Variants in KMT2A observed in about 807,000 individuals in gnomAD.
KMT2A encodes lysine methyltransferase 2A.
Under a neutral mutation model 345.3 loss-of-function variants are expected in KMT2A, and 16 were observed. The ratio of observed to expected loss-of-function variants is 0.05; its 90% CI spans 0.03 to 0.07. The LOEUF (loss-of-function observed/expected upper bound fraction) is 0.07. Among genes scored for constraint, KMT2A ranks in the 10% least tolerant of loss-of-function variants. The probability of loss-of-function intolerance (pLI) is 1.00; values close to 1 mark genes in which losing one functional copy is unlikely to be tolerated. For missense variants in KMT2A, 3,272 were observed against 4,841.6 expected (o/e 0.68, Z 9.62); for synonymous variants, 1,599 against 1,778.6 (o/e 0.90, Z 2.54).
rs1555039467 is a variant in KMT2A at position 118,482,062 on chromosome 11, A to C, written c.3982A>C (p.Lys1328Gln). 1.9e-6 allele frequency: 3 copies of C among 1,610,652 alleles called. No individual in the cohort carries two copies. In the South Asian group the frequency reaches 3.3e-5, roughly 18 times the overall value. The stretch of plus-strand genomic sequence containing the variant: ...TCCCAAAACCACTCCTAGTGAGCCC[A>C]AGAAAAAGCAGCCTCCACCACCAGA... ...EVPKTTPSEPKKKQPPPPESG... is the reference protein window; with the variant it reads ...EVPKTTPSEPQKKQPPPPESG... The change falls in exon 7 of 36, where the codon AAG becomes CAG. Residue 1328 changes from lysine to glutamine, a missense_variant. Physicochemically the swap from Lys to Gln is moderately conservative, Grantham distance 53. Transcript: ENST00000534358.
Position 118,510,212 on chromosome 11 carries a change from T to C in KMT2A, c.11071+94T>C. The C allele has an allele frequency of 3.1e-6, 3 of 974,330 alleles. No individual in the cohort carries two copies. Among genetic ancestry groups the C allele is most frequent in the Non-Finnish European group, 4.5e-6 (3 of 660,110 alleles). 60.4% of individuals were successfully genotyped at this position (974,330 alleles called of 1,614,324 possible). A position where few individuals can be genotyped will look rare whatever the true frequency, so the allele number is the denominator to read the frequency against. On this transcript the variant is annotated intron_variant, in intron 30 of 35. Transcript: ENST00000534358. This position sits in a 1 kb window ranked among gnomAD's most constrained non-coding sequence, Gnocchi z 4.1. ...TATTAGCACCATTTAGGTGGCTGTT[T>C]TATGCTAGATGGTAGGGGGATACCT...
chr11:118,447,012 C>T (rs1200973965), intron 1 of KMT2A, among the ~76,000 whole-genome samples: 1 of 152,280 alleles, frequency 6.6e-6, no homozygotes, highest in Non-Finnish European at 1.5e-5. Context: ...TCTCCTTTGC[C>T]TTAAAGTCTT....
At chr11:118,456,645 A>G (rs1043229567) in intron 1 of KMT2A, among the ~76,000 whole-genome samples, 14 of 152,112 alleles carry the variant, frequency 9.2e-5, no homozygotes, top group African/African-American at 3.4e-4. Context: ...GCATGCCTAT[A>G]TATTTCTAAG....
intron 1 of KMT2A, among the ~76,000 whole-genome samples, chr11:118,443,767 C>A (rs988840122): frequency 1.3e-5 from 2 of 152,206 alleles, no homozygotes; most frequent in African/African-American, 4.8e-5. Context: ...AGATATCTTA[C>A]CTTCAATTAT....
intron 1 of KMT2A, among the ~76,000 whole-genome samples, chr11:118,453,428 T>C (rs1949580760): frequency 6.6e-6 from 1 of 152,078 alleles, no homozygotes; most frequent in South Asian, 2.1e-4. Context: ...TGTACTCACC[T>C]GTTTTTCTTC....
Position 118,484,359 on chromosome 11 carries a change from T to C in KMT2A, c.4218+45T>C. The C allele has an allele frequency of 1.9e-6, 3 of 1,594,782 alleles. No individual in the cohort carries two copies. Among genetic ancestry groups the C allele is most frequent in the Non-Finnish European group, 1.7e-6 (2 of 1,168,802 alleles). On this transcript the variant is annotated intron_variant, in intron 9 of 35. Transcript: ENST00000534358. This position sits in a 1 kb window ranked among gnomAD's most constrained non-coding sequence, Gnocchi z 4.1. The stretch of plus-strand genomic sequence containing the variant: ...ATAAAGTATATTGAGTGTCAAAGAC[T>C]TTAAATAAAGAAAATGCTACTACCA...
At chr11:118,462,966 C>T (rs1254208825) in intron 1 of KMT2A, among the ~76,000 whole-genome samples, 1 of 152,154 alleles carries the variant, frequency 6.6e-6, no homozygotes, top group Non-Finnish European at 1.5e-5. Flanking sequence ...TAAATATTGG[C>T]AGTTAAACTG....
In KMT2A at chr11:118,503,263, T is replaced by A; in HGVS notation, c.7371T>A (p.Thr2457=). ...TTTTGGAACCTGGTCAGGTGACAAC[T>A]GGTGAGGAAGGAAACTTGAAGCCAG... ...KSFLEPGQVT[T]GEEGNLKPEF... Residue 2457 remains threonine, a synonymous_variant, in exon 27 of 36, where the codon ACT becomes ACA. Coordinates refer to ENST00000534358, the MANE Select transcript of KMT2A (RefSeq NM_001197104.2). This position sits in a 1 kb window ranked among gnomAD's most constrained non-coding sequence, Gnocchi z 5.3. 1 of 1,614,078 alleles carries A rather than the reference T, an allele frequency of 6.2e-7. No individual in the cohort carries two copies. Among genetic ancestry groups the A allele is most frequent in the Non-Finnish European group, 8.5e-7 (1 of 1,180,014 alleles).
chr11:118,515,921 C>T (rs782509272), intron 31 of KMT2A, among the ~76,000 whole-genome samples: 1 of 152,110 alleles, frequency 6.6e-6, no homozygotes, highest in Non-Finnish European at 1.5e-5. Context: ...CTTCTGACCT[C>T]AGGTAATCTA....
intron 28 of KMT2A, chr11:118,507,877 G>A: frequency 3.0e-6 from 1 of 337,838 alleles, no homozygotes; most frequent in East Asian, 5.7e-5. Context: ...GCAGGAGAAG[G>A]GCGTGAACCC....
rs1261413568 is a variant in KMT2A, at chr11:118,439,166, AAAAAAAAG to A, written c.432+2230_432+2237del. On this transcript the variant is annotated intron_variant, in intron 1 of 35. Transcript: ENST00000534358. ...TTTAAAAGATACAGCAGCAAAAAAA[AAAAAAAAG>A]AAAAAAAAGAAAAAACTGACATTTC... is the stretch of plus-strand genomic sequence containing the variant. The A allele has an allele frequency of 2.2e-5, 9 of 404,768 alleles. No individual in the cohort carries two copies. In the East Asian group the frequency reaches 2.8e-4, roughly 13 times the overall value. 25.1% of individuals were successfully genotyped at this position (404,768 alleles called of 1,614,324 possible).
chr11:118,453,711 A>G (rs536152267), intron 1 of KMT2A, among the ~76,000 whole-genome samples: 2 of 152,348 alleles, frequency 1.3e-5, no homozygotes, highest in South Asian at 4.1e-4. Flanking sequence ...ATTGTGGGCC[A>G]GGCTATATTC....
In KMT2A at chr11:118,525,061, TGGG is replaced by T. The variant is rs1196980095; in HGVS notation, c.*2892_*2894del. On this transcript the variant is annotated 3_prime_UTR_variant, in exon 36 of 36. Transcript: ENST00000534358. The stretch of plus-strand genomic sequence containing the variant: ...ATTTTCAGCACACCTGCCAGCAACT[TGGG>T]GGAATAAGCGAAGGTTTCCCTACAA... The T allele has an allele frequency of 1.5e-4, 32 of 214,886 alleles. No homozygotes were observed. The highest frequency in any genetic ancestry group is 8.3e-4 in the East Asian group (12 of 14,506). The allele number at this position is 214,886 out of a possible 1,614,324, so 13.3% of individuals were successfully genotyped here.
intron 6 of KMT2A, among the ~76,000 whole-genome samples, chr11:118,480,598 G>A (rs1268283661): frequency 6.6e-6 from 1 of 151,840 alleles, no homozygotes; most frequent in Non-Finnish European, 1.5e-5. Flanking sequence ...ACATTTCTAC[G>A]CTTCTATTTT....
rs980656132 is a variant in KMT2A, at chr11:118,480,217, T to C, written c.3613T>C (p.Tyr1205His). Residue 1205 changes from tyrosine to histidine, a missense_variant, in exon 6 of 36, where the codon TAC becomes CAC. Tyr to His is a moderately conservative substitution (Grantham distance 83). Transcript: ENST00000534358. The part of the protein sequence containing the change: ...QNLQWMPSKA[Y>H]LQKQAKAVKK... Reference sequence around the variant, plus strand: ...TCTACAATGGATGCCTTCCAAAGCCTACCTGCAGAAGCAAGCTAAAGGTAG... The same window carrying C: ...TCTACAATGGATGCCTTCCAAAGCCCACCTGCAGAAGCAAGCTAAAGGTAG... 15 of 1,613,794 alleles carry C rather than the reference T, an allele frequency of 9.3e-6. No individual in the cohort carries two copies. Among genetic ancestry groups the C allele is most frequent in the Middle Eastern group, 1.7e-4 (1 of 6,060 alleles).
Position 118,526,136 on chromosome 11 carries a change from G to A in KMT2A, c.*3964G>A, listed in dbSNP as rs952380684. 16 of 217,304 alleles carry A rather than the reference G, an allele frequency of 7.4e-5. No homozygotes were observed. Among genetic ancestry groups the A allele is most frequent in the Middle Eastern group, 1.4e-3 (1 of 718 alleles). The allele number at this position is 217,304 out of a possible 1,614,324, so 13.5% of individuals were successfully genotyped here. A position where few individuals can be genotyped will look rare whatever the true frequency, so the allele number is the denominator to read the frequency against. On this transcript the variant is annotated 3_prime_UTR_variant, in exon 36 of 36. Coordinates refer to ENST00000534358, the MANE Select transcript of KMT2A (RefSeq NM_001197104.2). ...TCAGGCTCACTTTCCTCTGATTCCCGAAATGGGGGGAACCTCTAACCATAA... is the reference window on the plus strand; with the variant it reads ...TCAGGCTCACTTTCCTCTGATTCCCAAAATGGGGGGAACCTCTAACCATAA...
At chr11:118,448,608 T>C (rs992785121) in intron 1 of KMT2A, 4 of 152,172 alleles carry the variant, frequency 2.6e-5, no homozygotes, top group East Asian at 1.9e-4. Flanking sequence ...AAAACCTTCA[T>C]TGGGTTATTG....
chr11:118,495,899 C>A lies in KMT2A; in HGVS notation c.5557+6C>A. On this transcript the variant is annotated splice_donor_region_variant and intron_variant, in intron 19 of 35. Coordinates refer to ENST00000534358, the MANE Select transcript of KMT2A (RefSeq NM_001197104.2). The surrounding 1 kb of genome is among the most constrained non-coding windows in gnomAD (Gnocchi z 4.1). ...TCCTACACCACCAATTTTGAGTAAG[C>A]CACCAAAAGGAGAGTCGTCACCCAT... is the stretch of plus-strand genomic sequence containing the variant. 6.3e-7 allele frequency: 1 copy of A among 1,595,530 alleles called. No individual in the cohort carries two copies. The highest frequency in any genetic ancestry group is 1.7e-5 in the Admixed American group (1 of 57,226).
chr11:118,520,099 G>A lies in KMT2A; in HGVS notation c.11429+35G>A. ...GAGTGGGGAGCAGTCATTAGAAACT[G>A]CTTTCCCTCTCCTCCAGCTGGTCAG... is the stretch of plus-strand genomic sequence containing the variant. On this transcript the variant is annotated intron_variant, in intron 33 of 35. Coordinates refer to ENST00000534358, the MANE Select transcript of KMT2A (RefSeq NM_001197104.2). This position sits in a 1 kb window ranked among gnomAD's most constrained non-coding sequence, Gnocchi z 4.3. 1 of 1,378,922 alleles carries A rather than the reference G, an allele frequency of 7.3e-7. No homozygotes were observed. The highest frequency in any genetic ancestry group is 1.0e-6 in the Non-Finnish European group (1 of 970,010). 85.4% of individuals were successfully genotyped at this position (1,378,922 alleles called of 1,614,324 possible). A position where few individuals can be genotyped will look rare whatever the true frequency, so the allele number is the denominator to read the frequency against.
Sources: allele counts gnomAD v4.1 joint callset (sites outside exome capture counted in the v4.1 genomes callset), GRCh38; gene constraint gnomAD v4.1.1; non-coding constraint Gnocchi (gnomAD v3.1); transcripts MANE v1.5; gene names NCBI Gene and HGNC (gene_info 2026-07-23, HGNC 2026-07-21).